The following DMD variants were observed in gnomAD, a reference collection of about 807,000 sequenced individuals.
The protein encoded by DMD is dystrophin.
A neutral mutation model predicts 330.1 loss-of-function variants in DMD; 63 were observed. The observed-to-expected ratio is 0.19, with a 90% CI of 0.16 to 0.24. DMD has a LOEUF of 0.24. Ranked by LOEUF, DMD falls within the 10% of genes least tolerant of loss-of-function variation. DMD has a pLI of 1.00. For synonymous variants in DMD, 1,223 were observed against 959.8 expected, an observed-to-expected ratio of 1.27 and a Z score of -5.07; for missense variants, 3,344 against 2,684.1, an observed-to-expected ratio of 1.25 and a Z score of -5.43.
chrX:33,198,516 G>A (rs980165740), intron 1 of DMD, among the ~76,000 whole-genome samples: 2 of 111,224 alleles, frequency 1.8e-5, no homozygotes, highest in African/African-American at 6.5e-5. Flanking sequence ...AAATGAAAGT[G>A]CTTTGTCATA....
chrX:32,264,932 G>A (rs1325139631), intron 43 of DMD, among the ~76,000 whole-genome samples: 1 of 112,268 alleles, frequency 8.9e-6, no homozygotes, highest in African/African-American at 3.2e-5. Context: ...TAAAAGGGAA[G>A]CAGAGCATAA....
chrX:33,215,640 T>G (rs761924657), upstream of DMD, among the ~76,000 whole-genome samples: 18 of 111,754 alleles, frequency 1.6e-4, no homozygotes, highest in Non-Finnish European at 3.2e-4. Flanking sequence ...TCTTCTAGGA[T>G]TTTTTACAGT....
At chrX:32,695,220 T>G (rs752337523) in intron 9 of DMD, among the ~76,000 whole-genome samples, 1 of 111,902 alleles carries the variant, frequency 8.9e-6, no homozygotes, top group Non-Finnish European at 1.9e-5. Context: ...AGCATGGGCA[T>G]GGAGTTGAAT....
At chrX:32,563,312 C>T (rs375167054) in intron 16 of DMD, among the ~76,000 whole-genome samples, 5 of 90,973 alleles carry the variant, frequency 5.5e-5, no homozygotes, top group African/African-American at 1.7e-4. Flanking sequence ...CACTGCACTC[C>T]AGCCTGGGTG....
intron 2 of DMD, among the ~76,000 whole-genome samples, chrX:32,874,161 T>C (rs974723614): frequency 2.7e-5 from 3 of 112,165 alleles, no homozygotes; most frequent in African/African-American, 9.7e-5. Flanking sequence ...TAACAGAAAG[T>C]GTTTGGCACT....
At chrX:32,290,064 A>G (rs1301714891) in intron 42 of DMD, among the ~76,000 whole-genome samples, 1 of 112,032 alleles carries the variant, frequency 8.9e-6, no homozygotes, top group Non-Finnish European at 1.9e-5. Flanking sequence ...GTCTCTTCAT[A>G]GTCCACAACA....
intron 50 of DMD, among the ~76,000 whole-genome samples, chrX:31,817,481 A>G (rs1405896793): frequency 1.8e-5 from 2 of 109,754 alleles, no homozygotes; most frequent in East Asian, 5.7e-4. Flanking sequence ...TTTTTTTTTC[A>G]TTCAACATTT....
chrX:32,286,795 T>C (rs1371185674), intron 43 of DMD, among the ~76,000 whole-genome samples: 1 of 111,613 alleles, frequency 9.0e-6, no homozygotes, highest in Non-Finnish European at 1.9e-5. Flanking sequence ...CCTATAATTA[T>C]TAGACGAATG....
At chrX:32,200,608 A>G (rs2097030992) in intron 44 of DMD, among the ~76,000 whole-genome samples, 1 of 112,258 alleles carries the variant, frequency 8.9e-6, no homozygotes, top group Non-Finnish European at 1.9e-5. Context: ...GTAATCACAC[A>G]CATATATAAT....
chrX:32,071,450 T>G (rs191405997), intron 44 of DMD, among the ~76,000 whole-genome samples: 1 of 93,938 alleles, frequency 1.1e-5, no homozygotes, highest in African/African-American at 4.0e-5. Flanking sequence ...TAGGTGGGAA[T>G]TGAACAATGA....
chrX:31,538,073 G>A (rs1326385408), intron 55 of DMD, among the ~76,000 whole-genome samples: 2 of 111,678 alleles, frequency 1.8e-5, no homozygotes, highest in East Asian at 2.8e-4. Flanking sequence ...TGCCGTTGTC[G>A]CGTCTAGCCC....
At chrX:31,564,973 C>G (rs1304391905) in intron 55 of DMD, among the ~76,000 whole-genome samples, 2 of 112,007 alleles carry the variant, frequency 1.8e-5, no homozygotes, top group Non-Finnish European at 3.8e-5. Flanking sequence ...TTTCTTTGTG[C>G]CTGTTTTCTC....
intron 1 of DMD, among the ~76,000 whole-genome samples, chrX:33,153,761 C>A (rs1478567698): frequency 8.9e-6 from 1 of 112,272 alleles, no homozygotes; most frequent in African/African-American, 3.2e-5. Context: ...TTTCATCAAT[C>A]AAGGTTTATC....
intron 44 of DMD, among the ~76,000 whole-genome samples, chrX:32,030,561 C>G (rs1016642310): frequency 8.9e-6 from 1 of 112,032 alleles, no homozygotes; most frequent in Non-Finnish European, 1.9e-5. Flanking sequence ...GAATCTTACA[C>G]TTCAAGTAAT....
chrX:31,430,266 T>C (rs1468257487), intron 60 of DMD, among the ~76,000 whole-genome samples: 2 of 111,170 alleles, frequency 1.8e-5, no homozygotes, highest in African/African-American at 6.5e-5. Context: ...AGGGTGTATA[T>C]GGACACATTT....
intron 15 of DMD, among the ~76,000 whole-genome samples, chrX:32,573,193 G>A (rs2052625376): frequency 8.9e-6 from 1 of 111,753 alleles, no homozygotes; most frequent in Non-Finnish European, 1.9e-5. Context: ...ATTATTCTGA[G>A]AATCAACGTC....
chrX:31,666,412 C>T (rs1288550433), intron 53 of DMD, among the ~76,000 whole-genome samples: 1 of 111,986 alleles, frequency 8.9e-6, no homozygotes, highest in Non-Finnish European at 1.9e-5. Flanking sequence ...AAGTAGAATG[C>T]TCTCATCAGT....
intron 54 of DMD, among the ~76,000 whole-genome samples, chrX:31,655,812 G>A (rs1022814597): frequency 3.6e-5 from 4 of 111,363 alleles, no homozygotes; most frequent in Non-Finnish European, 7.5e-5. Context: ...CCAGAACTAT[G>A]AGCCAACAAA....
intron 55 of DMD, among the ~76,000 whole-genome samples, chrX:31,593,638 C>A (rs1450530211): frequency 9.0e-6 from 1 of 110,743 alleles, no homozygotes; most frequent in African/African-American, 3.3e-5. Flanking sequence ...ATAAAAGTAG[C>A]TTTTTCCTCG....
Sources: gnomAD v4.1 joint callset for allele counts (sites outside exome capture counted in the v4.1 genomes callset) on GRCh38, gnomAD v4.1.1 for gene constraint, MANE v1.5 for transcripts, NCBI Gene and HGNC (gene_info 2026-07-23, HGNC 2026-07-21) for gene names.